The following ATRNL1 variants were observed in gnomAD, a reference collection of about 807,000 sequenced individuals.
The protein encoded by ATRNL1 is attractin like 1, also known as attractin-like protein 1.
ATRNL1 carries 95 observed loss-of-function variants against 182.7 expected under a neutral mutation model. That is an observed-to-expected ratio of 0.52 (90% CI 0.44 to 0.62). ATRNL1 has a LOEUF of 0.62. Among genes scored for constraint, ATRNL1 ranks in the 20% least tolerant of loss-of-function variants. The pLI is 0.00. For synonymous variants in ATRNL1, 576 were observed against 568.3 expected (o/e 1.01, Z -0.19); for missense variants, 1,471 against 1,679.5 (o/e 0.88, Z 2.17).
chr10:115,284,256 AT>A (rs1554917894), intron 14 of ATRNL1, among the ~76,000 whole-genome samples: 1 of 152,170 alleles, frequency 6.6e-6, no homozygotes, highest in Non-Finnish European at 1.5e-5. Flanking sequence ...AGGCCCATGC[AT>A]TTGTTTTTAT....
chr10:115,238,977 A>G (rs1186132157), intron 9 of ATRNL1, among the ~76,000 whole-genome samples: 2 of 152,096 alleles, frequency 1.3e-5, no homozygotes, highest in African/African-American at 4.8e-5. Context: ...CCATCTATTG[A>G]TATGATCATA....
intron 27 of ATRNL1, among the ~76,000 whole-genome samples, chr10:115,826,403 G>A (rs1950432645): frequency 6.6e-6 from 1 of 151,986 alleles, no homozygotes; most frequent in South Asian, 2.1e-4. Flanking sequence ...CAAGCAAGAG[G>A]GAGGGTTACA....
At chr10:115,363,442 C>A (rs1856853343) in intron 19 of ATRNL1, among the ~76,000 whole-genome samples, 2 of 146,042 alleles carry the variant, frequency 1.4e-5, no homozygotes, top group East Asian at 2.0e-4. Flanking sequence ...GAGTAGGTTG[C>A]AAAAATTTTC....
intron 26 of ATRNL1, among the ~76,000 whole-genome samples, chr10:115,638,250 T>C (rs1459144976): frequency 6.6e-6 from 1 of 152,188 alleles, no homozygotes; most frequent in Non-Finnish European, 1.5e-5. Context: ...TTGCCTACAG[T>C]CTTCAGTACA....
intron 8 of ATRNL1, among the ~76,000 whole-genome samples, chr10:115,195,364 G>T (rs940995603): frequency 1.3e-5 from 2 of 151,930 alleles, no homozygotes; most frequent in South Asian, 2.1e-4. Flanking sequence ...GGATAATTTT[G>T]CTGGATATAT....
intron 16 of ATRNL1, among the ~76,000 whole-genome samples, chr10:115,300,806 T>TTG (rs1225513725): frequency 2.0e-5 from 3 of 152,200 alleles, no homozygotes; most frequent in African/African-American, 7.2e-5. Flanking sequence ...TTTGACACTG[T>TTG]TGTGCAAACA....
chr10:115,713,433 G>C (rs1947124250), intron 26 of ATRNL1, among the ~76,000 whole-genome samples: 2 of 150,882 alleles, frequency 1.3e-5, no homozygotes, highest in African/African-American at 4.9e-5. Context: ...ACAAGGAAGA[G>C]GGAAAGTGGC....
At chr10:115,535,245 C>T (rs1211863198) in intron 25 of ATRNL1, among the ~76,000 whole-genome samples, 2 of 152,156 alleles carry the variant, frequency 1.3e-5, no homozygotes, top group African/African-American at 2.4e-5. Context: ...TCAGGTACAC[C>T]GATCAGACGT....
intron 26 of ATRNL1, among the ~76,000 whole-genome samples, chr10:115,556,035 C>T (rs564302744): frequency 2.6e-5 from 4 of 152,024 alleles, no homozygotes; most frequent in East Asian, 1.9e-4. Flanking sequence ...TCAGACCGAA[C>T]CATACAGAGA....
intron 18 of ATRNL1, among the ~76,000 whole-genome samples, chr10:115,331,841 G>T (rs1181921554): frequency 6.6e-6 from 1 of 152,090 alleles, no homozygotes; most frequent in Non-Finnish European, 1.5e-5. Flanking sequence ...TTGTGATCAT[G>T]GGAGATCCAT....
chr10:115,755,655 T>C (rs950785476), intron 27 of ATRNL1, among the ~76,000 whole-genome samples: 1 of 152,112 alleles, frequency 6.6e-6, no homozygotes, highest in Non-Finnish European at 1.5e-5. Flanking sequence ...TTCTGCCAGG[T>C]TTTGGTAACC....
intron 27 of ATRNL1, among the ~76,000 whole-genome samples, chr10:115,835,933 TC>T (rs1555095266): frequency 6.6e-6 from 1 of 152,150 alleles, no homozygotes; most frequent in Non-Finnish European, 1.5e-5. Flanking sequence ...GGTGAACTTC[TC>T]CCTCTGCCAC....
chr10:115,349,305 G>A (rs1014149829), intron 19 of ATRNL1, among the ~76,000 whole-genome samples: 1 of 152,160 alleles, frequency 6.6e-6, no homozygotes, highest in Non-Finnish European at 1.5e-5. Flanking sequence ...CTTTTTAATG[G>A]TGGAATAATG....
intron 24 of ATRNL1, 125 bp from the exon 25 acceptor site, chr10:115,519,138 A>G: frequency 3.8e-6 from 3 of 781,070 alleles, no homozygotes; most frequent in Non-Finnish European, 6.2e-6. Flanking sequence ...CACATATTTG[A>G]TTTATAATAT....
chr10:115,438,064 G>T (rs1846488245), intron 21 of ATRNL1, among the ~76,000 whole-genome samples: 1 of 151,952 alleles, frequency 6.6e-6, no homozygotes, highest in Non-Finnish European at 1.5e-5. Context: ...CATTAACTCA[G>T]TGGAAAAGCA....
At chr10:115,241,259 C>T (rs1334604811) in intron 9 of ATRNL1, among the ~76,000 whole-genome samples, 1 of 151,422 alleles carries the variant, frequency 6.6e-6, no homozygotes, top group African/African-American at 2.4e-5. Context: ...TTTTGGGCCT[C>T]TAGTTTTAAG....
chr10:115,401,986 T>TA (rs1372990311), intron 20 of ATRNL1, among the ~76,000 whole-genome samples: 12 of 152,308 alleles, frequency 7.9e-5, no homozygotes, highest in Non-Finnish European at 1.2e-4. Flanking sequence ...TTTTTGTTTT[T>TA]ATCTCTTAAG....
intron 27 of ATRNL1, among the ~76,000 whole-genome samples, chr10:115,743,871 A>G (rs1948214396): frequency 6.6e-6 from 1 of 152,080 alleles, no homozygotes; most frequent in East Asian, 1.9e-4. Context: ...AAAAATATAG[A>G]TTTTAAGTGA....
chr10:115,211,984 A>T (rs1849044320), intron 8 of ATRNL1, among the ~76,000 whole-genome samples: 1 of 151,532 alleles, frequency 6.6e-6, no homozygotes, highest in Non-Finnish European at 1.5e-5. Flanking sequence ...TATTGGATAA[A>T]TTTTATTTAT....
Sources: gnomAD v4.1 joint callset for allele counts (sites outside exome capture counted in the v4.1 genomes callset) on GRCh38, gnomAD v4.1.1 for gene constraint, MANE v1.5 for transcripts, NCBI Gene and HGNC (gene_info 2026-07-23, HGNC 2026-07-21) for gene names.